GPC5: variants seen among roughly 807,000 people sequenced by gnomAD.
GPC5 encodes glypican-5.
In GPC5, 47 loss-of-function variants were observed where a neutral mutation model predicts 53.9. The ratio of observed to expected loss-of-function variants is 0.87; its 90% CI spans 0.69 to 1.11. GPC5 has a LOEUF of 1.11. GPC5 is among the 50% of genes most tolerant of loss of function. The pLI is 0.00. For missense variants in GPC5, 748 were observed against 713.1 expected (o/e 1.05, Z -0.56); for synonymous variants, 286 against 263.3 (o/e 1.09, Z -0.84).
At chr13:92,599,104 G>A (rs1883965924) in intron 7 of GPC5, among the ~76,000 whole-genome samples, 1 of 152,058 alleles carries the variant, frequency 6.6e-6, no homozygotes, top group South Asian at 2.1e-4. Flanking sequence ...TTTTCATTGT[G>A]AGTTGTTGAC....
At chr13:92,552,955 C>A (rs1882368473) in intron 7 of GPC5, among the ~76,000 whole-genome samples, 1 of 151,862 alleles carries the variant, frequency 6.6e-6, no homozygotes, top group Non-Finnish European at 1.5e-5. Flanking sequence ...CATGGCTGAA[C>A]TAATTATATT....
intron 5 of GPC5, among the ~76,000 whole-genome samples, chr13:91,776,065 C>A (rs117716828): frequency 6.6e-6 from 1 of 152,138 alleles, no homozygotes. Context: ...CACATGTTGC[C>A]TCAGACCACC....
At chr13:92,742,322 T>C (rs1158553574) in intron 7 of GPC5, among the ~76,000 whole-genome samples, 2 of 152,108 alleles carry the variant, frequency 1.3e-5, no homozygotes, top group Non-Finnish European at 2.9e-5. Context: ...GATTTGTGTT[T>C]CTCTGATGGC....
intron 7 of GPC5, among the ~76,000 whole-genome samples, chr13:92,487,664 T>C (rs1431440548): frequency 6.6e-6 from 1 of 152,028 alleles, no homozygotes; most frequent in Non-Finnish European, 1.5e-5. Flanking sequence ...CCAAAGTTTA[T>C]CTTGAAATTA....
intron 7 of GPC5, among the ~76,000 whole-genome samples, chr13:92,828,363 T>C (rs1877925093): frequency 6.6e-6 from 1 of 152,188 alleles, no homozygotes; most frequent in African/African-American, 2.4e-5. Context: ...TTGTTTTTAC[T>C]TGGTTATTTT....
At chr13:92,412,291 G>A (rs542951235) in intron 7 of GPC5, among the ~76,000 whole-genome samples, 1 of 152,224 alleles carries the variant, frequency 6.6e-6, no homozygotes, top group African/African-American at 2.4e-5. Context: ...TCTTACACTA[G>A]TCACTGTTTA....
chr13:92,302,498 G>A (rs1047033793), intron 7 of GPC5, among the ~76,000 whole-genome samples: 4 of 151,790 alleles, frequency 2.6e-5, no homozygotes, highest in African/African-American at 9.7e-5. Flanking sequence ...TTTTAAACTG[G>A]GTACTGCATT....
chr13:91,997,131 G>A (rs992189926), intron 6 of GPC5, among the ~76,000 whole-genome samples: 5 of 152,096 alleles, frequency 3.3e-5, no homozygotes, highest in African/African-American at 1.2e-4. Flanking sequence ...GGTTCATAGA[G>A]TTGAATTTTT....
intron 5 of GPC5, among the ~76,000 whole-genome samples, chr13:91,874,191 T>A (rs2065193): frequency 0.32 from 48,866 of 152,138 alleles, 9,265 homozygotes; most frequent in East Asian, 0.65. Context: ...CCTAGACTAT[T>A]AATATGAAGC....
At chr13:91,476,946 T>C (rs969833459) in intron 2 of GPC5, among the ~76,000 whole-genome samples, 11 of 152,182 alleles carry the variant, frequency 7.2e-5, no homozygotes, top group Non-Finnish European at 1.5e-4. Flanking sequence ...TTCTAGACTT[T>C]AATCCAGAAA....
intron 5 of GPC5, 35 bp from the exon 6 acceptor site, chr13:91,907,902 G>A (rs746069979): frequency 6.9e-6 from 11 of 1,590,148 alleles, no homozygotes; most frequent in Non-Finnish European, 9.4e-6. Context: ...CCCTGATCAG[G>A]TACTAAGTCA....
At chr13:91,986,550 C>A (rs549287600) in intron 6 of GPC5, among the ~76,000 whole-genome samples, 76 of 152,224 alleles carry the variant, frequency 5.0e-4, no homozygotes, top group African/African-American at 1.8e-3. Context: ...AGTCCCAGAT[C>A]TTCTACTCTC....
chr13:91,718,277 A>AT (rs758840603), intron 3 of GPC5, among the ~76,000 whole-genome samples: 18 of 152,090 alleles, frequency 1.2e-4, no homozygotes, highest in East Asian at 1.2e-3. Flanking sequence ...CGCGTGGCTA[A>AT]TTTTTTGTAT....
intron 5 of GPC5, among the ~76,000 whole-genome samples, chr13:91,894,132 C>A (rs148362460): frequency 6.6e-6 from 1 of 152,062 alleles, no homozygotes; most frequent in Non-Finnish European, 1.5e-5. Flanking sequence ...TGTTCCATCA[C>A]CCTAAGCAAT....
At chr13:92,393,806 C>T (rs1875134595) in intron 7 of GPC5, among the ~76,000 whole-genome samples, 1 of 152,124 alleles carries the variant, frequency 6.6e-6, no homozygotes. Flanking sequence ...ACAGCAAACC[C>T]CCATGAAATG....
intron 7 of GPC5, among the ~76,000 whole-genome samples, chr13:92,468,269 A>T (rs1243176322): frequency 6.6e-6 from 1 of 152,126 alleles, no homozygotes; most frequent in Non-Finnish European, 1.5e-5. Context: ...ACAAGCATAC[A>T]AGCAGCATAT....
intron 6 of GPC5, among the ~76,000 whole-genome samples, chr13:92,012,859 G>T (rs2040674012): frequency 6.6e-6 from 1 of 152,192 alleles, no homozygotes; most frequent in South Asian, 2.1e-4. Flanking sequence ...TACTCAACCT[G>T]CTGTGCTCAC....
At chr13:92,326,559 C>T (rs553454606) in intron 7 of GPC5, among the ~76,000 whole-genome samples, 12 of 152,168 alleles carry the variant, frequency 7.9e-5, no homozygotes, top group African/African-American at 2.6e-4. Flanking sequence ...AAAACTGCAA[C>T]ATCAATGGTT....
chr13:92,467,892 G>T (rs9561054), intron 7 of GPC5, among the ~76,000 whole-genome samples: 44,918 of 151,916 alleles, frequency 0.3, 7,186 homozygotes, highest in East Asian at 0.42. Context: ...TGTGCTTTGG[G>T]GAGATGCACA....
Sources: allele counts gnomAD v4.1 joint callset (sites outside exome capture counted in the v4.1 genomes callset), GRCh38; gene constraint gnomAD v4.1.1; transcripts MANE v1.5; gene names NCBI Gene and HGNC (gene_info 2026-07-23, HGNC 2026-07-21).